IFT80: variants seen among roughly 807,000 people sequenced by gnomAD.
IFT80 encodes the protein intraflagellar transport 80.
A neutral mutation model predicts 107.9 loss-of-function variants in IFT80; 79 were observed. The observed-to-expected ratio is 0.73, with a 90% CI of 0.61 to 0.88. IFT80 has a LOEUF of 0.88. Among genes scored for constraint, IFT80 ranks in the 40% least tolerant of loss-of-function variants. IFT80 has a pLI of 0.00. For missense variants in IFT80, 797 were observed against 914.2 expected (o/e 0.87, Z 1.65); for synonymous variants, 299 against 300.9 (o/e 0.99, Z 0.07).
At chr3:160,337,619 G>A (rs1239093024) in intron 8 of IFT80, among the ~76,000 whole-genome samples, 1 of 151,322 alleles carries the variant, frequency 6.6e-6, no homozygotes, top group African/African-American at 2.4e-5. Context: ...GTGAGACTCT[G>A]TCTCCAAAAA....
At chr3:160,309,828 T>A (rs1290813569) in intron 9 of IFT80, among the ~76,000 whole-genome samples, 3 of 152,084 alleles carry the variant, frequency 2.0e-5, no homozygotes, top group African/African-American at 7.2e-5. Context: ...TAACATATTA[T>A]TAGAATAATA....
chr3:160,321,381 T>C (rs1718202629), intron 8 of IFT80, among the ~76,000 whole-genome samples: 1 of 152,108 alleles, frequency 6.6e-6, no homozygotes, highest in South Asian at 2.1e-4. Flanking sequence ...TATAGGCTTA[T>C]GGCATCTCTC....
intron 2 of IFT80, chr3:160,383,625 AATTT>A (rs769820504): frequency 1.0e-6 from 1 of 970,720 alleles, no homozygotes; most frequent in Non-Finnish European, 1.2e-6. Flanking sequence ...CCTTACTTTC[AATTT>A]ATTTACCTAT....
intron 10 of IFT80, among the ~76,000 whole-genome samples, chr3:160,306,846 A>G (rs1716864525): frequency 6.6e-6 from 1 of 152,222 alleles, no homozygotes; most frequent in African/African-American, 2.4e-5. Flanking sequence ...TCATTTATTC[A>G]TTCAAAAGTA....
intron 18 of IFT80, among the ~76,000 whole-genome samples, chr3:160,273,554 C>T (rs536293168): frequency 4.6e-5 from 7 of 152,114 alleles, no homozygotes; most frequent in Non-Finnish European, 8.8e-5. Context: ...GTAACTTCTA[C>T]GTTTCCAGCT....
intron 11 of IFT80, among the ~76,000 whole-genome samples, chr3:160,302,001 G>C (rs1716464512): frequency 1.3e-5 from 2 of 151,822 alleles, no homozygotes; most frequent in Admixed American, 6.6e-5. Context: ...TGCAATTACT[G>C]GATTAAAGAC....
intron 11 of IFT80, 42 bp from the exon 12 acceptor site, chr3:160,301,088 T>C: frequency 6.7e-7 from 1 of 1,485,184 alleles, no homozygotes; most frequent in Non-Finnish European, 9.2e-7. Flanking sequence ...AACAGGAGTA[T>C]ACTTTATTTT....
chr3:160,310,910 C>A (rs1470921583), intron 9 of IFT80, among the ~76,000 whole-genome samples: 1 of 151,892 alleles, frequency 6.6e-6, no homozygotes, highest in Non-Finnish European at 1.5e-5. Context: ...CTGAGGTGGG[C>A]AGAGTTCGAA....
At chr3:160,289,071 A>G (rs1197253140) in intron 12 of IFT80, among the ~76,000 whole-genome samples, 1 of 152,260 alleles carries the variant, frequency 6.6e-6, no homozygotes, top group Non-Finnish European at 1.5e-5. Context: ...ATGCCCATCA[A>G]TAACAGATTT....
At chr3:160,375,772 T>A (rs1711965346) in intron 5 of IFT80, 40 bp downstream of exon 5, 1 of 1,386,176 alleles carries the variant, frequency 7.2e-7, no homozygotes. Context: ...TTTTGTATTG[T>A]ATAATTTGCA....
intron 1 of IFT80, among the ~76,000 whole-genome samples, chr3:160,386,469 A>G (rs1388828824): frequency 1.3e-5 from 2 of 152,196 alleles, no homozygotes; most frequent in East Asian, 3.8e-4. Flanking sequence ...TTGAGGGTAT[A>G]GGTAACTTTG....
At chr3:160,319,988 T>C (rs1348023758) in intron 8 of IFT80, 49 bp from the exon 9 acceptor site, 2 of 1,437,034 alleles carry the variant, frequency 1.4e-6, no homozygotes, top group Non-Finnish European at 1.9e-6. Context: ...AAAAAAATTT[T>C]TAGGAAGTTT....
intron 5 of IFT80, among the ~76,000 whole-genome samples, chr3:160,370,892 C>T (rs963604384): frequency 2.0e-5 from 3 of 152,172 alleles, no homozygotes; most frequent in Non-Finnish European, 4.4e-5. Context: ...TTAATCGCTG[C>T]CTTACTAGCA....
chr3:160,394,883 A>T (rs943185203), intron 1 of IFT80, among the ~76,000 whole-genome samples: 2 of 152,240 alleles, frequency 1.3e-5, no homozygotes, highest in African/African-American at 4.8e-5. Flanking sequence ...GTGAAAAGAA[A>T]AAGTGAGATA....
chr3:160,369,923 A>AC (rs1252144425), intron 5 of IFT80, among the ~76,000 whole-genome samples: 1 of 152,044 alleles, frequency 6.6e-6, no homozygotes, highest in Non-Finnish European at 1.5e-5. Flanking sequence ...AAATCATGTG[A>AC]CCTTTTTGAC....
At chr3:160,362,915 T>C (rs1006152290) in intron 6 of IFT80, among the ~76,000 whole-genome samples, 2 of 152,220 alleles carry the variant, frequency 1.3e-5, no homozygotes, top group Non-Finnish European at 2.9e-5. Flanking sequence ...AATATCATAC[T>C]GAATGGGCAA....
At chr3:160,389,197 T>C (rs559467023) in intron 1 of IFT80, among the ~76,000 whole-genome samples, 21 of 152,304 alleles carry the variant, frequency 1.4e-4, no homozygotes, top group African/African-American at 4.8e-4. Context: ...ACAGGCCAAA[T>C]TGAACTGTTA....
rs149351026 is a variant in IFT80 at position 160,360,954 on chromosome 3, A to G, written c.550-3376T>C. ...GCTAGGAAGCATCTATGGGCAACTA[A>G]TGGGCAAAATAACCCAACTAATGGG... On this transcript the variant is annotated intron_variant, in intron 6 of 19. Transcript: ENST00000326448. Among the ~76,000 whole-genome samples the G allele has an allele frequency of 2.6e-3, 389 of 152,288 alleles. 4 individuals carry two copies. Among genetic ancestry groups the G allele is most frequent in the African/African-American group, 8.7e-3 (362 of 41,568 alleles).
chr3:160,360,908 C>T (rs1456058750), intron 6 of IFT80, among the ~76,000 whole-genome samples: 1 of 152,080 alleles, frequency 6.6e-6, no homozygotes, highest in African/African-American at 2.4e-5. Context: ...AAAAACATGC[C>T]GAATTGTAAA....
Sources: allele counts gnomAD v4.1 joint callset (sites outside exome capture counted in the v4.1 genomes callset), GRCh38; gene constraint gnomAD v4.1.1; transcripts MANE v1.5; gene names NCBI Gene and HGNC (gene_info 2026-07-23, HGNC 2026-07-21).